Variants in CDK6 observed in about 807,000 individuals in gnomAD.
The protein encoded by CDK6 is cyclin dependent kinase 6.
Under a neutral mutation model 37.1 loss-of-function variants are expected in CDK6, and 6 were observed. The observed-to-expected ratio is 0.16, with a 90% CI of 0.09 to 0.32. The LOEUF is 0.32. Among genes scored for constraint, CDK6 ranks in the 10% least tolerant of loss-of-function variants. The pLI is 1.00. For missense variants in CDK6, 224 were observed against 418.9 expected, an observed-to-expected ratio of 0.53 and a Z score of 4.06; for synonymous variants, 160 against 161.3, an observed-to-expected ratio of 0.99 and a Z score of 0.06.
At chr7:92,778,850 A>G (rs1272198540) in intron 2 of CDK6, among the ~76,000 whole-genome samples, 2 of 150,046 alleles carry the variant, frequency 1.3e-5, no homozygotes, top group Admixed American at 1.3e-4. Flanking sequence ...TAGTGAAAAA[A>G]TTACATTGCT....
At chr7:92,737,715 T>G (rs957080790) in intron 3 of CDK6, among the ~76,000 whole-genome samples, 6 of 152,218 alleles carry the variant, frequency 3.9e-5, no homozygotes, top group African/African-American at 1.4e-4. Context: ...ATTTGTGACA[T>G]TATTTCCTTA....
At chr7:92,683,453 C>T (rs193073095) in intron 4 of CDK6, among the ~76,000 whole-genome samples, 2 of 152,290 alleles carry the variant, frequency 1.3e-5, no homozygotes, top group East Asian at 3.9e-4. Context: ...AATCCAAGTT[C>T]AGGCACACAC....
intron 5 of CDK6, among the ~76,000 whole-genome samples, chr7:92,629,461 T>C (rs1562916341): frequency 1.3e-5 from 2 of 152,016 alleles, no homozygotes; most frequent in Non-Finnish European, 2.9e-5. Flanking sequence ...ATTTTTCAAC[T>C]CAAAATTGAG....
At chr7:92,724,340 G>T (rs1465718603) in intron 4 of CDK6, among the ~76,000 whole-genome samples, 1 of 152,156 alleles carries the variant, frequency 6.6e-6, no homozygotes, top group African/African-American at 2.4e-5. Context: ...AAGAGGAAAT[G>T]AGTAGGATTT....
At chr7:92,660,439 T>C (rs890447691) in intron 5 of CDK6, among the ~76,000 whole-genome samples, 1 of 152,214 alleles carries the variant, frequency 6.6e-6, no homozygotes, top group African/African-American at 2.4e-5. Context: ...GGTAGGTCTC[T>C]TTCACTAATA....
intron 3 of CDK6, among the ~76,000 whole-genome samples, chr7:92,749,988 T>C (rs1333518601): frequency 6.6e-6 from 1 of 152,196 alleles, no homozygotes; most frequent in Non-Finnish European, 1.5e-5. Flanking sequence ...ATGAAAGTTC[T>C]AGTGAAGAGA....
chr7:92,740,396 G>T (rs1798891740), intron 3 of CDK6, among the ~76,000 whole-genome samples: 1 of 152,022 alleles, frequency 6.6e-6, no homozygotes. Context: ...GTAACTTTTG[G>T]CCACATCCTG....
intron 4 of CDK6, among the ~76,000 whole-genome samples, chr7:92,705,818 AT>A (rs899258049): frequency 2.0e-5 from 3 of 152,224 alleles, no homozygotes; most frequent in African/African-American, 7.2e-5. Flanking sequence ...AGAATAAGCA[AT>A]TGTATGAAAT....
chr7:92,619,575 G>T (rs141288207), intron 6 of CDK6, among the ~76,000 whole-genome samples: 2 of 151,738 alleles, frequency 1.3e-5, no homozygotes, highest in Non-Finnish European at 2.9e-5. Flanking sequence ...GTGTTCTTAT[G>T]AATGTACTTC....
chr7:92,821,199 G>T (rs1017262659), intron 2 of CDK6, among the ~76,000 whole-genome samples: 2 of 152,136 alleles, frequency 1.3e-5, no homozygotes, highest in Admixed American at 1.3e-4. Flanking sequence ...GCCACCTGGT[G>T]TAGGTCAGTG....
At chr7:92,661,210 T>G (rs1320257600) in intron 5 of CDK6, among the ~76,000 whole-genome samples, 1 of 152,220 alleles carries the variant, frequency 6.6e-6, no homozygotes, top group Non-Finnish European at 1.5e-5. Flanking sequence ...TCAGGAGGAC[T>G]CTGAAGTCAA....
At chr7:92,814,033 T>C (rs1178377263) in intron 2 of CDK6, among the ~76,000 whole-genome samples, 2 of 152,216 alleles carry the variant, frequency 1.3e-5, no homozygotes, top group Non-Finnish European at 2.9e-5. Flanking sequence ...TAATCAGACA[T>C]GGGAATTTCC....
intron 2 of CDK6, among the ~76,000 whole-genome samples, chr7:92,823,312 T>C (rs1204009573): frequency 6.6e-6 from 1 of 151,906 alleles, no homozygotes; most frequent in Non-Finnish European, 1.5e-5. Flanking sequence ...AAACTTTAGC[T>C]GAGAACCAAG....
intron 5 of CDK6, among the ~76,000 whole-genome samples, chr7:92,646,728 C>G (rs1357092259): frequency 6.6e-6 from 1 of 152,062 alleles, no homozygotes; most frequent in Non-Finnish European, 1.5e-5. Context: ...AGAATATTTG[C>G]TCATTCATTA....
intron 3 of CDK6, among the ~76,000 whole-genome samples, chr7:92,742,069 A>C (rs1798937306): frequency 6.6e-6 from 1 of 152,224 alleles, no homozygotes; most frequent in African/African-American, 2.4e-5. Context: ...AGAGACAAAC[A>C]ATGATACAAA....
chr7:92,617,939 C>T, intron 7 of CDK6, 133 bp downstream of exon 7: 1 of 797,050 alleles, frequency 1.3e-6, no homozygotes, highest in African/African-American at 1.8e-5. Context: ...ACTGTTGCCT[C>T]CTGCTCCATG....
intron 5 of CDK6, among the ~76,000 whole-genome samples, chr7:92,656,516 T>C (rs1046730811): frequency 6.6e-6 from 1 of 152,244 alleles, no homozygotes; most frequent in African/African-American, 2.4e-5. Context: ...TACAATAAAA[T>C]CTCAGCAATC....
intron 3 of CDK6, among the ~76,000 whole-genome samples, chr7:92,763,810 C>T (rs557970250): frequency 5.3e-5 from 8 of 152,170 alleles, no homozygotes; most frequent in African/African-American, 1.2e-4. Context: ...TGACATACTG[C>T]GGGGGTTGGG....
chr7:92,709,059 T>G (rs548865539), intron 4 of CDK6, among the ~76,000 whole-genome samples: 64 of 152,216 alleles, frequency 4.2e-4, no homozygotes, highest in South Asian at 1.5e-3. Context: ...GAACATGTTT[T>G]CCCCGGATCT....
Sources: allele counts gnomAD v4.1 joint callset (sites outside exome capture counted in the v4.1 genomes callset), GRCh38; gene constraint gnomAD v4.1.1; transcripts MANE v1.5; gene names NCBI Gene and HGNC (gene_info 2026-07-23, HGNC 2026-07-21).